SYNJ2BP: variants seen among roughly 807,000 people sequenced by gnomAD.
SYNJ2BP encodes synaptojanin 2 binding protein.
A neutral mutation model predicts 16.9 loss-of-function variants in SYNJ2BP; 10 were observed. That is an observed-to-expected ratio of 0.59 (90% CI 0.36 to 1.00). The LOEUF is 1.00. Ranked by LOEUF, SYNJ2BP falls within the 50% of genes least tolerant of loss-of-function variation. The pLI is 0.01. For synonymous variants in SYNJ2BP, 54 were observed against 68.4 expected, an observed-to-expected ratio of 0.79 and a Z score of 1.04; for missense variants, 162 against 186.7, an observed-to-expected ratio of 0.87 and a Z score of 0.77.
intron 1 of SYNJ2BP, among the ~76,000 whole-genome samples, chr14:70,406,162 G>C (rs1251461556): frequency 6.6e-6 from 1 of 152,158 alleles, no homozygotes; most frequent in Non-Finnish European, 1.5e-5. Flanking sequence ...AAGCAGGGCA[G>C]GAGGGGGCCT....
In SYNJ2BP at chr14:70,371,703, C is replaced by T. The variant is rs1371402884; in HGVS notation, c.*1288G>A. 6.6e-6 allele frequency: 1 copy of T among 152,208 alleles called. No homozygotes were observed. The highest frequency in any genetic ancestry group is 6.5e-5 in the Admixed American group (1 of 15,276). 9.4% of individuals were successfully genotyped at this position (152,208 alleles called of 1,614,324 possible). ...AAGTGCTGAGATGACAGGTGTGAGC[C>T]GCTGCACCCGGCCTCATTTTAACTA... On this transcript the variant is annotated 3_prime_UTR_variant, in exon 4 of 4. Transcript: ENST00000256366.
intron 1 of SYNJ2BP, among the ~76,000 whole-genome samples, chr14:70,415,550 C>CAA (rs1224306215): frequency 7.7e-5 from 5 of 65,042 alleles, no homozygotes; most frequent in Admixed American, 1.7e-4. Flanking sequence ...GACCCTGTCT[C>CAA]AAAAAAAAAA....
intron 2 of SYNJ2BP, among the ~76,000 whole-genome samples, chr14:70,379,320 T>G (rs1887698589): frequency 6.6e-6 from 1 of 152,214 alleles, no homozygotes. Context: ...ACCTCGTTTC[T>G]TATGCTGATA....
At chr14:70,402,603 T>G (rs1888263507) in intron 1 of SYNJ2BP, among the ~76,000 whole-genome samples, 1 of 151,270 alleles carries the variant, frequency 6.6e-6, no homozygotes, top group Non-Finnish European at 1.5e-5. Context: ...GAGGCTGAAG[T>G]GGGAGGATCA....
intron 2 of SYNJ2BP, among the ~76,000 whole-genome samples, chr14:70,387,648 G>C (rs890084642): frequency 2.6e-5 from 4 of 152,068 alleles, no homozygotes; most frequent in Non-Finnish European, 4.4e-5. Context: ...TAGCCAACAT[G>C]GTGAAACCCT....
intron 2 of SYNJ2BP, among the ~76,000 whole-genome samples, chr14:70,379,228 T>G (rs922987180): frequency 2.0e-5 from 3 of 152,206 alleles, no homozygotes; most frequent in African/African-American, 7.2e-5. Flanking sequence ...TCCAGATTAA[T>G]CTTCCTAAAG....
intron 1 of SYNJ2BP, among the ~76,000 whole-genome samples, chr14:70,404,960 T>C (rs912184176): frequency 6.6e-6 from 1 of 152,108 alleles, no homozygotes; most frequent in Non-Finnish European, 1.5e-5. Context: ...ACCCCATCTC[T>C]ACAAAAAATA....
At chr14:70,407,941 A>G (rs1888383965) in intron 1 of SYNJ2BP, among the ~76,000 whole-genome samples, 1 of 152,120 alleles carries the variant, frequency 6.6e-6, no homozygotes, top group African/African-American at 2.4e-5. Flanking sequence ...TCATTTTTGT[A>G]CCTCCTGTGC....
rs1350794413 is a variant in SYNJ2BP, at chr14:70,379,419, A to G, written c.202-3648T>C. Among the ~76,000 whole-genome samples, 4 of 152,206 alleles carry G rather than the reference A, an allele frequency of 2.6e-5. No individual in the cohort carries two copies. In the South Asian group the frequency reaches 6.2e-4, roughly 24 times the overall value. ...ATATCCTATACTCTAGCTAAGTCACATAACTCACTGACTGGGACATAAAAC... is the reference window on the plus strand; with the variant it reads ...ATATCCTATACTCTAGCTAAGTCACGTAACTCACTGACTGGGACATAAAAC... On this transcript the variant is annotated intron_variant, in intron 2 of 3. Coordinates refer to ENST00000256366, the MANE Select transcript of SYNJ2BP (RefSeq NM_018373.3).
At chr14:70,387,577 A>G (rs1887886414) in intron 2 of SYNJ2BP, among the ~76,000 whole-genome samples, 2 of 152,302 alleles carry the variant, frequency 1.3e-5, no homozygotes, top group East Asian at 3.9e-4. Flanking sequence ...CACGCCTGTA[A>G]TCCCAGCACT....
intron 1 of SYNJ2BP, among the ~76,000 whole-genome samples, chr14:70,412,445 T>C (rs1012519070): frequency 2.0e-5 from 3 of 150,828 alleles, no homozygotes; most frequent in Non-Finnish European, 3.0e-5. Context: ...GCTGTGAAGA[T>C]TAAATGAGTA....
intron 2 of SYNJ2BP, among the ~76,000 whole-genome samples, chr14:70,385,533 C>G (rs1887842151): frequency 1.3e-5 from 2 of 151,740 alleles, no homozygotes. Context: ...CCACCATGCC[C>G]ACCTAATTTT....
intron 1 of SYNJ2BP, among the ~76,000 whole-genome samples, chr14:70,399,074 C>T (rs948660392): frequency 2.6e-5 from 4 of 152,100 alleles, no homozygotes; most frequent in Non-Finnish European, 5.9e-5. Flanking sequence ...CAAGAACCCA[C>T]TGCAGTGCCC....
At chr14:70,392,750 G>C (rs1888006850) in intron 1 of SYNJ2BP, among the ~76,000 whole-genome samples, 2 of 152,164 alleles carry the variant, frequency 1.3e-5, no homozygotes, top group African/African-American at 4.8e-5. Flanking sequence ...CCCCTTAAGA[G>C]TAGTTTCTAG....
chr14:70,384,316 A>T (rs1887813375), intron 2 of SYNJ2BP, among the ~76,000 whole-genome samples: 1 of 152,228 alleles, frequency 6.6e-6, no homozygotes, highest in African/African-American at 2.4e-5. Context: ...ATGGAGAAAT[A>T]ACCTATGCGT....
intron 1 of SYNJ2BP, 38 bp downstream of exon 1, chr14:70,416,862 A>T (rs1162315855): frequency 2.5e-6 from 4 of 1,613,766 alleles, no homozygotes; most frequent in Non-Finnish European, 3.4e-6. Flanking sequence ...TACACCCTCT[A>T]ATCCCCTACT....
rs748584667 is a variant in SYNJ2BP, at chr14:70,369,088, T to C, written c.*3903A>G. ...TAGGTCTGGAACTTCTTTTTTCTCT[T>C]CTGGGAACTTGCTTTTTGTTTTTTG... On this transcript the variant is annotated 3_prime_UTR_variant, in exon 4 of 4. Transcript: ENST00000256366. 1.3e-5 allele frequency: 2 copies of C among 152,242 alleles called. No homozygotes were observed. The highest frequency in any genetic ancestry group is 2.4e-5 in the African/African-American group (1 of 41,456). The allele number at this position is 152,242 out of a possible 1,614,324, so 9.4% of individuals were successfully genotyped here. A position where few individuals can be genotyped will look rare whatever the true frequency, so the allele number is the denominator to read the frequency against.
chr14:70,383,056 T>G (rs1199696593), intron 2 of SYNJ2BP, among the ~76,000 whole-genome samples: 1 of 152,170 alleles, frequency 6.6e-6, no homozygotes, highest in East Asian at 1.9e-4. Flanking sequence ...TTTGGTCTCT[T>G]TTTTCATCAA....
chr14:70,385,325 G>A (rs1296328658), intron 2 of SYNJ2BP, among the ~76,000 whole-genome samples: 3 of 151,744 alleles, frequency 2.0e-5, no homozygotes, highest in Non-Finnish European at 4.4e-5. Flanking sequence ...ATAGAAAGAC[G>A]AATTTCAGTT....
Sources: allele counts gnomAD v4.1 joint callset (sites outside exome capture counted in the v4.1 genomes callset), GRCh38; gene constraint gnomAD v4.1.1; transcripts MANE v1.5; gene names NCBI Gene and HGNC (gene_info 2026-07-23, HGNC 2026-07-21).